TEK: variants seen among roughly 807,000 people sequenced by gnomAD.
The protein encoded by TEK is angiopoietin-1 receptor.
A neutral mutation model predicts 131.8 loss-of-function variants in TEK; 43 were observed. That is an observed-to-expected ratio of 0.33 (90% CI 0.26 to 0.42). The LOEUF (loss-of-function observed/expected upper bound fraction) is 0.42, where lower values mean the gene tolerates loss of function less well. Among genes scored for constraint, TEK ranks in the 10% least tolerant of loss-of-function variants. The probability of loss-of-function intolerance (pLI) is 1.00; values close to 1 mark genes in which losing one functional copy is unlikely to be tolerated. For synonymous variants in TEK, 580 were observed against 491.6 expected (o/e 1.18, Z -2.38); for missense variants, 1,162 against 1,384.4 (o/e 0.84, Z 2.55).
intron 6 of TEK, among the ~76,000 whole-genome samples, chr9:27,174,855 A>G (rs2131153504): frequency 6.6e-6 from 1 of 152,248 alleles, no homozygotes; most frequent in African/African-American, 2.4e-5. Context: ...AATGTTACGC[A>G]AACTATGAAC....
rs1821243689 is a variant in TEK at position 27,109,429 on chromosome 9, A to G, written c.-162A>G. The G allele has an allele frequency of 5.4e-6, 4 of 745,038 alleles. No individual in the cohort carries two copies. Among genetic ancestry groups the G allele is most frequent in the Non-Finnish European group, 9.6e-6 (4 of 416,988 alleles). The allele number at this position is 745,038 out of a possible 1,614,324, so 46.2% of individuals were successfully genotyped here. A position where few individuals can be genotyped will look rare whatever the true frequency, so the allele number is the denominator to read the frequency against. ...CTCCCTGTGCTCAGACAGAAATGAG[A>G]CTGTTACAGCCTGCTTCTGTGCTGT... is the stretch of plus-strand genomic sequence containing the variant. On this transcript the variant is annotated 5_prime_UTR_variant, in exon 1 of 23. Transcript: ENST00000380036.
chr9:27,182,459 C>T (rs755216176), intron 7 of TEK, among the ~76,000 whole-genome samples: 8 of 151,998 alleles, frequency 5.3e-5, no homozygotes, highest in Non-Finnish European at 1.0e-4. Context: ...AAGGAATAAC[C>T]TTGTAAGTAT....
chr9:27,213,170 G>A (rs990041803), intron 17 of TEK, among the ~76,000 whole-genome samples: 5 of 152,018 alleles, frequency 3.3e-5, no homozygotes, highest in Middle Eastern at 3.2e-3. Context: ...AATACGTAGC[G>A]AGGTACCTTA....
chr9:27,168,714 A>C, intron 3 of TEK, 109 bp downstream of exon 3: 1 of 833,306 alleles, frequency 1.2e-6, no homozygotes, highest in Non-Finnish European at 2.0e-6. Flanking sequence ...GTTTGAATTA[A>C]AGCTGCTATG....
chr9:27,172,721 G>T lies in TEK; in HGVS notation c.734G>T (p.Gly245Val). Reference protein sequence around the residue: ...EDTGECICPPGFMGRTCEKAC... With the variant: ...EDTGECICPPVFMGRTCEKAC... ...ACTGGAGAATGCATTTGCCCTCCTG[G>T]GTTTATGGGAAGGACGTGTGAGAAG... Residue 245 changes from glycine (G) to valine (V), a missense_variant, in exon 5 of 23, where the codon GGG becomes GTG. Physicochemically the swap from Gly to Val is moderately radical, Grantham distance 109 (BLOSUM62 -3). Transcript: ENST00000380036. 1 of 1,613,626 alleles carries T rather than the reference G, an allele frequency of 6.2e-7. No individual in the cohort carries two copies. The highest frequency in any genetic ancestry group is 8.5e-7 in the Non-Finnish European group (1 of 1,179,662).
rs1228700109 is a variant in TEK at position 27,157,945 on chromosome 9, C to T, written c.167C>T (p.Thr56Ile). Residue 56 changes from threonine (T) to isoleucine (I), a missense_variant, in exon 2 of 23, where the codon ACC (threonine) becomes ATC (isoleucine). By Grantham distance (89) the Thr-to-Ile change is moderately conservative (BLOSUM62 -1). Coordinates refer to ENST00000380036, the MANE Select transcript of TEK (RefSeq NM_000459.5). The part of the protein sequence containing the change: ...ASGWRPHEPI[T>I]IGRDFEALMN... ...GGGTGGCGCCCCCATGAGCCCATCACCATAGGAAGGGACTTTGAAGCCTTA... is the reference window on the plus strand; with the variant it reads ...GGGTGGCGCCCCCATGAGCCCATCATCATAGGAAGGGACTTTGAAGCCTTA... The T allele has an allele frequency of 1.9e-6, 3 of 1,613,998 alleles. No homozygotes were observed. Among genetic ancestry groups the T allele is most frequent in the East Asian group, 4.5e-5 (2 of 44,866 alleles).
chr9:27,161,433 G>A (rs1823544550), intron 2 of TEK, among the ~76,000 whole-genome samples: 1 of 152,228 alleles, frequency 6.6e-6, no homozygotes, highest in Non-Finnish European at 1.5e-5. Flanking sequence ...GATTTACACA[G>A]TGAACGTTGT....
chr9:27,117,939 G>A (rs895311489), intron 1 of TEK, among the ~76,000 whole-genome samples: 2 of 152,290 alleles, frequency 1.3e-5, no homozygotes, highest in East Asian at 3.9e-4. Context: ...TACAATAGGC[G>A]GAGTCAGGAA....
At chr9:27,116,948 G>A (rs1436120522) in intron 1 of TEK, among the ~76,000 whole-genome samples, 3 of 144,066 alleles carry the variant, frequency 2.1e-5, no homozygotes, top group Admixed American at 7.5e-5. Flanking sequence ...TGCAAGCTCC[G>A]CTTCCCAGGT....
At chr9:27,156,985 A>AGGGGT in intron 1 of TEK, among the ~76,000 whole-genome samples, 1 of 143,900 alleles carries the variant, frequency 6.9e-6, no homozygotes, top group East Asian at 2.2e-4. Context: ...CAAAAAAGGG[A>AGGGGT]GGGGTGGGGA....
chr9:27,123,332 A>C (rs1026868668), intron 1 of TEK, among the ~76,000 whole-genome samples: 2 of 152,146 alleles, frequency 1.3e-5, no homozygotes, highest in Admixed American at 6.5e-5. Flanking sequence ...CTGCCGTCAT[A>C]GGCTCAAGGT....
At chr9:27,155,164 G>A (rs1823284547) in intron 1 of TEK, among the ~76,000 whole-genome samples, 1 of 152,184 alleles carries the variant, frequency 6.6e-6, no homozygotes, top group South Asian at 2.1e-4. Context: ...GTGAGTGTGA[G>A]AGATGAAGTG....
At chr9:27,204,706 T>TA (rs1587010641) in intron 13 of TEK, among the ~76,000 whole-genome samples, 26 of 150,812 alleles carry the variant, frequency 1.7e-4, no homozygotes, top group Admixed American at 6.6e-4. Context: ...TTTTTTTTTT[T>TA]TAATCTTATT....
At chr9:27,141,312 T>C (rs1157641000) in intron 1 of TEK, among the ~76,000 whole-genome samples, 3 of 152,156 alleles carry the variant, frequency 2.0e-5, no homozygotes, top group Admixed American at 2.0e-4. Flanking sequence ...CCCTGTTTTT[T>C]ATTTTATTAA....
intron 1 of TEK, among the ~76,000 whole-genome samples, chr9:27,152,211 C>T (rs7865623): frequency 0.041 from 6,289 of 152,228 alleles, 454 homozygotes; most frequent in African/African-American, 0.14. Flanking sequence ...GAAGACATGA[C>T]GCATTATTCC....
chr9:27,151,505 ATC>A (rs1564062127), intron 1 of TEK, among the ~76,000 whole-genome samples: 2 of 152,124 alleles, frequency 1.3e-5, no homozygotes, highest in Non-Finnish European at 2.9e-5. Context: ...TTATCTTCTC[ATC>A]TCTCTCTTGC....
chr9:27,228,901 A>G (rs1382791565), intron 22 of TEK, among the ~76,000 whole-genome samples: 1 of 152,192 alleles, frequency 6.6e-6, no homozygotes, highest in Non-Finnish European at 1.5e-5. Context: ...ATTAGGAGGT[A>G]CCAATAAGAC....
At chr9:27,204,174 C>T (rs1043421945) in intron 13 of TEK, among the ~76,000 whole-genome samples, 1 of 152,110 alleles carries the variant, frequency 6.6e-6, no homozygotes, top group African/African-American at 2.4e-5. Flanking sequence ...ATCTCTGTAT[C>T]TGTACATATA....
chr9:27,165,459 C>T (rs1429159265), intron 2 of TEK, among the ~76,000 whole-genome samples: 1 of 152,118 alleles, frequency 6.6e-6, no homozygotes, highest in Admixed American at 6.5e-5. Context: ...ACCATCCAGT[C>T]CCCTGTCTGC....
Sources: gnomAD v4.1 joint callset for allele counts (sites outside exome capture counted in the v4.1 genomes callset) on GRCh38, gnomAD v4.1.1 for gene constraint, MANE v1.5 for transcripts, NCBI Gene and HGNC (gene_info 2026-07-23, HGNC 2026-07-21) for gene names.